Variants in WDPCP observed in about 807,000 individuals in gnomAD.
The protein encoded by WDPCP is WD repeat-containing and planar cell polarity effector protein fritz homolog.
WDPCP carries 71 observed loss-of-function variants against 93.1 expected under a neutral mutation model. That is an observed-to-expected ratio of 0.76 (90% CI 0.63 to 0.93). The LOEUF is 0.93. WDPCP is among the 40% of genes least tolerant of loss of function. The probability of loss-of-function intolerance (pLI) is 0.00; values close to 1 mark genes in which losing one functional copy is unlikely to be tolerated. For synonymous variants in WDPCP, 315 were observed against 315.0 expected, an observed-to-expected ratio of 1.00 and a Z score of 0.00; for missense variants, 844 against 887.4, an observed-to-expected ratio of 0.95 and a Z score of 0.62.
At chr2:63,724,242 C>T (rs534808768) in intron 2 of WDPCP, among the ~76,000 whole-genome samples, 35 of 152,156 alleles carry the variant, frequency 2.3e-4, no homozygotes, top group Middle Eastern at 6.8e-3. Flanking sequence ...CAAAAATGGG[C>T]TAAAAGTACC....
chr2:63,309,996 A>T (rs977610374), intron 13 of WDPCP, among the ~76,000 whole-genome samples: 37 of 152,302 alleles, frequency 2.4e-4, no homozygotes, highest in African/African-American at 8.7e-4. Flanking sequence ...TTAAACACCC[A>T]AATATCAATA....
intron 2 of WDPCP, among the ~76,000 whole-genome samples, chr2:63,689,064 C>G (rs1249406918): frequency 6.6e-6 from 1 of 152,128 alleles, no homozygotes; most frequent in Non-Finnish European, 1.5e-5. Flanking sequence ...GCCAAATACA[C>G]TTCTGTTCTT....
At chr2:63,732,201 G>A (rs1225027640) in intron 2 of WDPCP, among the ~76,000 whole-genome samples, 1 of 152,206 alleles carries the variant, frequency 6.6e-6, no homozygotes, top group Non-Finnish European at 1.5e-5. Flanking sequence ...CATCATTTGT[G>A]CATTTAAGAC....
chr2:63,197,706 A>T (rs909567182), intron 14 of WDPCP, among the ~76,000 whole-genome samples: 1 of 152,172 alleles, frequency 6.6e-6, no homozygotes, highest in Non-Finnish European at 1.5e-5. Context: ...GCTCCCACTT[A>T]TAAGTGAGAA....
chr2:63,490,543 C>T (rs1250638909), intron 2 of WDPCP, among the ~76,000 whole-genome samples: 3 of 152,052 alleles, frequency 2.0e-5, no homozygotes, highest in Non-Finnish European at 2.9e-5. Flanking sequence ...TTAATAAAGC[C>T]GAGCCCTAAA....
In WDPCP at chr2:63,702,403, T is replaced by C. The variant is rs1397393610; in HGVS notation, n.309-51565A>G. Among the ~76,000 whole-genome samples the C allele has an allele frequency of 3.3e-5, 5 of 152,228 alleles. No individual in the cohort carries two copies. The East Asian group carries it at 9.6e-4, about 29-fold the overall frequency. On this transcript the variant is annotated intron_variant and non_coding_transcript_variant, in intron 2 of 4. Transcript: ENST00000467687. ...ACAAATTATATATACCCTGAAAATA[T>C]GTACACCTAGTATATATCAATAAAA...
upstream of WDPCP, chr2:63,589,410 G>A (rs1222472953): frequency 6.5e-7 from 1 of 1,545,732 alleles, no homozygotes; most frequent in South Asian, 1.2e-5. Flanking sequence ...GAAAGGTTGG[G>A]TCCTAACCCC....
intron 1 of WDPCP, among the ~76,000 whole-genome samples, chr2:63,821,978 C>T (rs757771434): frequency 2.0e-5 from 3 of 151,960 alleles, no homozygotes; most frequent in South Asian, 2.1e-4. Flanking sequence ...AGAGGGATTA[C>T]GATTGTTGAG....
chr2:63,728,559 T>C (rs771934812), intron 2 of WDPCP, among the ~76,000 whole-genome samples: 7 of 152,234 alleles, frequency 4.6e-5, no homozygotes, highest in Non-Finnish European at 1.0e-4. Context: ...TGTCATATAC[T>C]AAATTTTATT....
At chr2:63,193,997 C>G (rs967707134) in intron 14 of WDPCP, among the ~76,000 whole-genome samples, 4 of 152,046 alleles carry the variant, frequency 2.6e-5, no homozygotes, top group Non-Finnish European at 5.9e-5. Context: ...AGAAAGAAAA[C>G]CTTCTGGTAG....
intron 2 of WDPCP, among the ~76,000 whole-genome samples, chr2:63,685,870 A>C (rs888182517): frequency 6.6e-6 from 1 of 152,210 alleles, no homozygotes; most frequent in African/African-American, 2.4e-5. Context: ...TGATCATTTA[A>C]ATTGATGCTG....
intron 14 of WDPCP, among the ~76,000 whole-genome samples, chr2:63,193,906 T>C (rs1675224698): frequency 6.6e-6 from 1 of 152,200 alleles, no homozygotes; most frequent in Non-Finnish European, 1.5e-5. Context: ...GGAAGAATGA[T>C]ACTGGTCATG....
chr2:63,545,369 GGAGA>G (rs1705072488), intron 1 of WDPCP, among the ~76,000 whole-genome samples: 1 of 150,810 alleles, frequency 6.6e-6, no homozygotes, highest in Admixed American at 6.6e-5. Context: ...GAGAGAGGAG[GGAGA>G]GAAAGAGAAA....
At chr2:63,776,508 T>A (rs1336900494) in intron 2 of WDPCP, among the ~76,000 whole-genome samples, 3 of 151,546 alleles carry the variant, frequency 2.0e-5, no homozygotes, top group Non-Finnish European at 4.4e-5. Context: ...TACAAAAAAT[T>A]ACCTGGGTGT....
intron 1 of WDPCP, among the ~76,000 whole-genome samples, chr2:63,575,352 G>GTATACACGGTATATACAGTA (rs1707859303): frequency 9.5e-6 from 1 of 105,136 alleles, no homozygotes; most frequent in Non-Finnish European, 2.0e-5. Flanking sequence ...ACTGTATATG[G>GTATACACGGTATATACAGTA]TATATACAGT....
rs140974105 is a variant in WDPCP, at chr2:63,492,012, G to A, written c.160+844C>T. 1.7e-3 allele frequency among the ~76,000 whole-genome samples: 259 copies of A among 152,100 alleles called. 2 individuals carry two copies. The highest frequency in any genetic ancestry group is 5.6e-3 in the African/African-American group (233 of 41,496). ...GGCATCTTAGAAGAGTTTTAGGAGG[G>A]AGCAAACAAATGTTAAATCTACTTT... is the stretch of plus-strand genomic sequence containing the variant. On this transcript the variant is annotated intron_variant, in intron 2 of 17. Coordinates refer to ENST00000272321, the MANE Select transcript of WDPCP (RefSeq NM_015910.7).
chr2:63,232,985 T>G (rs1679055122), intron 14 of WDPCP: 1 of 164,808 alleles, frequency 6.1e-6, no homozygotes. Flanking sequence ...TGGAAACTGA[T>G]CTGACTTTAA....
chr2:63,304,140 C>G (rs1342918564), intron 13 of WDPCP, among the ~76,000 whole-genome samples: 1 of 152,110 alleles, frequency 6.6e-6, no homozygotes, highest in African/African-American at 2.4e-5. Context: ...AACTGGGCAT[C>G]TACCCAAAGG....
In WDPCP at chr2:63,701,047, G is replaced by A. The variant is rs568457142; in HGVS notation, n.309-50209C>T. 7.5e-4 allele frequency among the ~76,000 whole-genome samples: 114 copies of A among 152,190 alleles called. 1 individual carries two copies. Among genetic ancestry groups the A allele is most frequent in the Middle Eastern group, 3.4e-3 (1 of 294 alleles). ...TACATCAACCTTCTGCACAGCAAAG[G>A]AGGCAACAAGGTAGAGACAATCCAC... On this transcript the variant is annotated intron_variant and non_coding_transcript_variant, in intron 2 of 4. Transcript: ENST00000467687.
Sources: allele counts gnomAD v4.1 joint callset (sites outside exome capture counted in the v4.1 genomes callset), GRCh38; gene constraint gnomAD v4.1.1; transcripts MANE v1.5; gene names NCBI Gene and HGNC (gene_info 2026-07-23, HGNC 2026-07-21).